Variants in MARCHF11 observed in about 807,000 individuals in gnomAD.
MARCHF11 encodes the protein membrane associated ring-CH-type finger 11, also known as E3 ubiquitin-protein ligase MARCHF11.
MARCHF11 carries 29 observed loss-of-function variants against 37.3 expected under a neutral mutation model. The ratio of observed to expected loss-of-function variants is 0.78; its 90% confidence interval spans 0.58 to 1.06. The LOEUF (loss-of-function observed/expected upper bound fraction) is 1.06. Among genes scored for constraint, MARCHF11 ranks in the 50% least tolerant of loss-of-function variants. MARCHF11 has a pLI of 0.00. For missense variants in MARCHF11, 482 were observed against 533.4 expected (o/e 0.90, Z 0.95); for synonymous variants, 233 against 228.0 (o/e 1.02, Z -0.20).
chr5:16,075,163 C>A (rs996575843), intron 3 of MARCHF11, among the ~76,000 whole-genome samples: 3 of 152,158 alleles, frequency 2.0e-5, no homozygotes, highest in African/African-American at 7.2e-5. Flanking sequence ...TGACCATCCC[C>A]CACGTCAATT....
chr5:16,142,570 G>A (rs1737726817), intron 2 of MARCHF11, among the ~76,000 whole-genome samples: 1 of 152,046 alleles, frequency 6.6e-6, no homozygotes, highest in African/African-American at 2.4e-5. Context: ...AGTATGGTGA[G>A]CTGTACAGTC....
chr5:16,074,367 A>G (rs1170465336), intron 3 of MARCHF11, among the ~76,000 whole-genome samples: 3 of 152,146 alleles, frequency 2.0e-5, no homozygotes, highest in Non-Finnish European at 4.4e-5. Flanking sequence ...AACAAACCAA[A>G]CCCAAACACA....
intron 3 of MARCHF11, among the ~76,000 whole-genome samples, chr5:16,088,386 AAGTTCCT>A (rs1736735021): frequency 6.6e-6 from 1 of 152,184 alleles, no homozygotes; most frequent in Admixed American, 6.5e-5. Flanking sequence ...AACACATAGA[AAGTTCCT>A]AGGAAATATT....
chr5:16,087,707 A>G (rs1453704851), intron 3 of MARCHF11, among the ~76,000 whole-genome samples: 4 of 152,224 alleles, frequency 2.6e-5, no homozygotes, highest in African/African-American at 9.6e-5. Flanking sequence ...AGCGAACTCA[A>G]AACGTTAATA....
chr5:16,173,389 C>T (rs187290499), intron 2 of MARCHF11, among the ~76,000 whole-genome samples: 8 of 152,316 alleles, frequency 5.3e-5, no homozygotes, highest in African/African-American at 1.9e-4. Flanking sequence ...GCTGCCTGAC[C>T]TTGAATAGTG....
intron 3 of MARCHF11, among the ~76,000 whole-genome samples, chr5:16,086,516 G>A (rs901988165): frequency 6.6e-6 from 1 of 152,154 alleles, no homozygotes; most frequent in Non-Finnish European, 1.5e-5. Flanking sequence ...TAGTACTTGA[G>A]GGAAGATCAA....
intron 2 of MARCHF11, among the ~76,000 whole-genome samples, chr5:16,100,150 AAAG>A (rs1441077386): frequency 6.6e-6 from 1 of 152,062 alleles, no homozygotes; most frequent in African/African-American, 2.4e-5. Context: ...CCAGAATTGC[AAAG>A]GAGGAGAGAA....
At chr5:16,096,694 T>G (rs1168065374) in intron 2 of MARCHF11, among the ~76,000 whole-genome samples, 1 of 152,212 alleles carries the variant, frequency 6.6e-6, no homozygotes, top group East Asian at 1.9e-4. Flanking sequence ...AAGCTATGAA[T>G]TTTCTTTAAG....
intron 2 of MARCHF11, among the ~76,000 whole-genome samples, chr5:16,167,785 A>G (rs535615239): frequency 6.6e-6 from 1 of 152,186 alleles, no homozygotes; most frequent in African/African-American, 2.4e-5. Context: ...AAGTTCTAGA[A>G]GCAGAGGCCC....
In MARCHF11 at chr5:16,067,669, C is replaced by T. The variant is rs143134136; in HGVS notation, c.1011G>A (p.Glu337=). 5 of 1,613,968 alleles carry T rather than the reference C, an allele frequency of 3.1e-6. No homozygotes were observed. The highest frequency in any genetic ancestry group is 1.6e-4 in the Middle Eastern group (1 of 6,062). ...ACCACAAAGTCCTACTTGTGGAAGA[C>T]TCTCCCCGGCTGCTTTCTTCGATGT... ...ATDIEESSRG[E]SSTSRTLWLP... is the part of the protein sequence containing the mutation. The change falls in exon 4 of 4, where the codon GAG becomes GAA. Residue 337 remains glutamate, a synonymous_variant. Coordinates refer to ENST00000332432, the MANE Select transcript of MARCHF11 (RefSeq NM_001102562.3).
chr5:16,109,318 G>A (rs567679167), intron 2 of MARCHF11, among the ~76,000 whole-genome samples: 41 of 152,246 alleles, frequency 2.7e-4, no homozygotes, highest in African/African-American at 6.3e-4. Context: ...TTTTAGCCCC[G>A]CTTCCTGAAC....
intron 2 of MARCHF11, among the ~76,000 whole-genome samples, chr5:16,145,937 A>T (rs1273452944): frequency 6.6e-6 from 1 of 152,150 alleles, no homozygotes; most frequent in African/African-American, 2.4e-5. Context: ...AACCTCTGAG[A>T]GGGTTTTATG....
intron 2 of MARCHF11, among the ~76,000 whole-genome samples, chr5:16,127,791 G>C (rs572542905): frequency 6.6e-6 from 1 of 152,156 alleles, no homozygotes; most frequent in South Asian, 2.1e-4. Flanking sequence ...TCCAGACCTC[G>C]TCTGTCTTTC....
intron 2 of MARCHF11, among the ~76,000 whole-genome samples, chr5:16,143,331 C>G (rs1376477177): frequency 5.3e-5 from 8 of 152,088 alleles, no homozygotes; most frequent in Non-Finnish European, 8.8e-5. Flanking sequence ...GACCTGGCCT[C>G]ATTTCCTATT....
rs367620885 is a variant in MARCHF11, at chr5:16,146,884, A to T, written c.693+30842T>A. Among the ~76,000 whole-genome samples the T allele has an allele frequency of 2.6e-5, 4 of 152,172 alleles. No homozygotes were observed. In the East Asian group the frequency reaches 5.8e-4, roughly 22 times the overall value. ...CTTCTATTATGGTACTTTGTGGGAG[A>T]TGAGATAGCAAGAGGCATAACCAGA... On this transcript the variant is annotated intron_variant, in intron 2 of 3. Coordinates refer to ENST00000332432, the MANE Select transcript of MARCHF11 (RefSeq NM_001102562.3).
At chr5:16,069,157 CAT>C (rs1237305244) in intron 3 of MARCHF11, among the ~76,000 whole-genome samples, 1 of 152,116 alleles carries the variant, frequency 6.6e-6, no homozygotes, top group African/African-American at 2.4e-5. Context: ...TAAAATGAAA[CAT>C]AGTCATCTGC....
chr5:16,095,865 C>T lies in MARCHF11; in HGVS notation c.694-4784G>A, dbSNP rs181097236. ...TGGCAGAAGCTGAGTCTCATGCCCC[C>T]TCCTGTGCACCACAGAGCTGAGCAC... On this transcript the variant is annotated intron_variant, in intron 2 of 3. Transcript: ENST00000332432. 1.3e-3 allele frequency among the ~76,000 whole-genome samples: 197 copies of T among 152,310 alleles called. 1 individual carries two copies. Among genetic ancestry groups the T allele is most frequent in the Non-Finnish European group, 2.0e-3 (138 of 68,034 alleles).
intron 3 of MARCHF11, among the ~76,000 whole-genome samples, chr5:16,072,419 T>G (rs1213961298): frequency 6.6e-6 from 1 of 151,970 alleles, no homozygotes; most frequent in African/African-American, 2.4e-5. Context: ...TAATCAGGGT[T>G]AGATGAGATT....
intron 2 of MARCHF11, among the ~76,000 whole-genome samples, chr5:16,091,704 G>T (rs994049914): frequency 6.6e-6 from 1 of 152,076 alleles, no homozygotes; most frequent in Non-Finnish European, 1.5e-5. Context: ...TTTTTGTCAA[G>T]ATTTAGAATT....
Sources: gnomAD v4.1 joint callset for allele counts (sites outside exome capture counted in the v4.1 genomes callset) on GRCh38, gnomAD v4.1.1 for gene constraint, MANE v1.5 for transcripts, NCBI Gene and HGNC (gene_info 2026-07-23, HGNC 2026-07-21) for gene names.